Variants in TXLNB observed in about 807,000 individuals in gnomAD.
TXLNB encodes beta-taxilin.
In TXLNB, 37 loss-of-function variants were observed where a neutral mutation model predicts 57.4. The ratio of observed to expected loss-of-function variants is 0.64; its 90% CI spans 0.50 to 0.85. The LOEUF is 0.85. TXLNB is among the 40% of genes least tolerant of loss of function. The pLI is 0.00. For synonymous variants in TXLNB, 302 were observed against 309.6 expected, an observed-to-expected ratio of 0.98 and a Z score of 0.26; for missense variants, 848 against 825.6, an observed-to-expected ratio of 1.03 and a Z score of -0.33.
At chr6:139,187,698 C>T in the TXLNB span, among the ~76,000 whole-genome samples, 8 of 152,156 alleles carry the variant, frequency 5.3e-5, no homozygotes, top group Admixed American at 3.9e-4. Context: ...CGAGGAGGCT[C>T]CCAGCTGCCA....
chr6:139,188,479 TGATC>T, the TXLNB span, among the ~76,000 whole-genome samples: 1 of 152,080 alleles, frequency 6.6e-6, no homozygotes. Context: ...ACAGGATCTG[TGATC>T]TACCCTAACA....
chr6:139,268,322 T>C (rs922367852), intron 4 of TXLNB, among the ~76,000 whole-genome samples: 4 of 152,266 alleles, frequency 2.6e-5, no homozygotes, highest in East Asian at 3.9e-4. Context: ...TCCACAATTA[T>C]ATGAAGAGAT....
chr6:139,170,180 GATGAAT>G, the TXLNB span: 1 of 152,150 alleles, frequency 6.6e-6, no homozygotes, highest in Non-Finnish European at 1.5e-5. Flanking sequence ...TTTTTATGAA[GATGAAT>G]ATGGGTACAG....
intron 1 of TXLNB, among the ~76,000 whole-genome samples, chr6:139,291,596 G>GA (rs1181483199): frequency 6.6e-6 from 1 of 152,034 alleles, no homozygotes; most frequent in African/African-American, 2.4e-5. Flanking sequence ...TAACAAGAGG[G>GA]AAAAAAACAA....
intron 7 of TXLNB, among the ~76,000 whole-genome samples, chr6:139,252,357 T>A (rs1479490348): frequency 6.6e-6 from 1 of 152,194 alleles, no homozygotes; most frequent in Non-Finnish European, 1.5e-5. Flanking sequence ...GTTTTCAAAG[T>A]TTAGAAGTTT....
At chr6:139,257,622 G>A (rs1027309221) in intron 6 of TXLNB, among the ~76,000 whole-genome samples, 25 of 152,080 alleles carry the variant, frequency 1.6e-4, no homozygotes, top group Non-Finnish European at 1.3e-4. Flanking sequence ...TGAACGCAGA[G>A]ATCAATCTGG....
the TXLNB span, chr6:139,176,914 G>C: frequency 1.2e-5 from 10 of 856,214 alleles, no homozygotes; most frequent in African/African-American, 1.6e-4. This position sits in a 1 kb window ranked among gnomAD's most constrained non-coding sequence, Gnocchi z 4.5. Context: ...GAGGGGTGTT[G>C]TGGCTGATGG....
At chr6:139,176,980 G>A in the TXLNB span, 1 of 872,724 alleles carries the variant, frequency 1.1e-6, no homozygotes, top group South Asian at 1.3e-5. This position sits in a 1 kb window ranked among gnomAD's most constrained non-coding sequence, Gnocchi z 4.5. Flanking sequence ...GCCGGTGATC[G>A]ACGTGAGGAT....
chr6:139,236,465 T>A (rs546072266), downstream of TXLNB, among the ~76,000 whole-genome samples: 2 of 152,110 alleles, frequency 1.3e-5, no homozygotes, highest in Non-Finnish European at 2.9e-5. Context: ...CAATAGTGAG[T>A]GAGTTCTCAC....
intron 7 of TXLNB, among the ~76,000 whole-genome samples, chr6:139,252,151 A>G (rs1308354633): frequency 6.6e-6 from 1 of 152,218 alleles, no homozygotes; most frequent in East Asian, 1.9e-4. Context: ...CCTGCCCCCA[A>G]TTGGCCAGCA....
In TXLNB at chr6:139,261,488, G is replaced by A. The variant is rs528545324; in HGVS notation, c.883-1051C>T. Among the ~76,000 whole-genome samples the A allele has an allele frequency of 1.7e-3, 261 of 152,278 alleles. 1 individual carries two copies. The highest frequency in any genetic ancestry group is 2.6e-3 in the Non-Finnish European group (180 of 68,032). ...CTATGTTATGTTACATTTTAAAGCA[G>A]AGATTTAAAATTTGGGTGGGATAGG... On this transcript the variant is annotated intron_variant, in intron 5 of 9. Coordinates refer to ENST00000358430, the MANE Select transcript of TXLNB (RefSeq NM_153235.4).
At chr6:139,295,016 A>C (rs900768439), upstream of TXLNB, among the ~76,000 whole-genome samples, 2 of 152,150 alleles carry the variant, frequency 1.3e-5, no homozygotes, top group Admixed American at 1.3e-4. Context: ...ATTGTTTATT[A>C]GTCACTCAGT....
chr6:139,239,055 G>T (rs567238805), downstream of TXLNB: 1 of 152,208 alleles, frequency 6.6e-6, no homozygotes, highest in African/African-American at 2.4e-5. This position sits in a 1 kb window ranked among gnomAD's most constrained non-coding sequence, Gnocchi z 4.7. Flanking sequence ...AGGCCAAAAG[G>T]AGCAAAATCA....
At chr6:139,206,245 G>A in the TXLNB span, among the ~76,000 whole-genome samples, 4 of 151,970 alleles carry the variant, frequency 2.6e-5, no homozygotes, top group African/African-American at 9.7e-5. Context: ...AGTCTCACAG[G>A]GCCTATAAAA....
rs769800241 is a variant in TXLNB at position 139,288,910 on chromosome 6, G to C, written c.-11C>G. On this transcript the variant is annotated 5_prime_UTR_variant, in exon 2 of 10. Coordinates refer to ENST00000358430, the MANE Select transcript of TXLNB (RefSeq NM_153235.4). ...GTGATTAGCCTCCATCTTGGGAGTAGTATCTAGTGGTAAGCACAGTTAGGC... is the reference window on the plus strand; with the variant it reads ...GTGATTAGCCTCCATCTTGGGAGTACTATCTAGTGGTAAGCACAGTTAGGC... The C allele has an allele frequency of 5.6e-6, 9 of 1,606,514 alleles. No individual in the cohort carries two copies. In the Admixed American group the frequency reaches 1.0e-4, roughly 18 times the overall value.
upstream of TXLNB, among the ~76,000 whole-genome samples, chr6:139,295,847 G>C (rs1049019086): frequency 6.6e-6 from 1 of 152,092 alleles, no homozygotes; most frequent in Non-Finnish European, 1.5e-5. Flanking sequence ...GCAACTTTCT[G>C]TTTTTCCTGG....
chr6:139,191,208 C>A, the TXLNB span, among the ~76,000 whole-genome samples: 1 of 152,058 alleles, frequency 6.6e-6, no homozygotes, highest in Admixed American at 6.6e-5. Context: ...TCACCGAGGT[C>A]AGGAGTTCAA....
chr6:139,218,219 A>G, the TXLNB span, among the ~76,000 whole-genome samples: 1 of 152,208 alleles, frequency 6.6e-6, no homozygotes, highest in African/African-American at 2.4e-5. Context: ...ATAAGCAAGT[A>G]CAAGTACGTT....
the TXLNB span, among the ~76,000 whole-genome samples, chr6:139,215,667 A>C: frequency 1.3e-4 from 20 of 152,336 alleles, no homozygotes; most frequent in East Asian, 3.9e-4. Flanking sequence ...AGCAAAAGAA[A>C]CTACCATCAG....
Sources: gnomAD v4.1 joint callset for allele counts (sites outside exome capture counted in the v4.1 genomes callset) on GRCh38, gnomAD v4.1.1 for gene constraint, Gnocchi (gnomAD v3.1) non-coding constraint, MANE v1.5 for transcripts, NCBI Gene and HGNC (gene_info 2026-07-23, HGNC 2026-07-21) for gene names.